The following PTPRM variants were observed in gnomAD, a reference collection of about 807,000 sequenced individuals.
The protein encoded by PTPRM is receptor-type tyrosine-protein phosphatase mu.
Under a neutral mutation model 186.7 loss-of-function variants are expected in PTPRM, and 47 were observed. The observed-to-expected ratio is 0.25, with a 90% CI of 0.20 to 0.32. The LOEUF (loss-of-function observed/expected upper bound fraction) is 0.32, where lower values mean the gene tolerates loss of function less well. Among genes scored for constraint, PTPRM ranks in the 10% least tolerant of loss-of-function variants. The probability of loss-of-function intolerance (pLI) is 1.00; values close to 1 mark genes in which losing one functional copy is unlikely to be tolerated. For missense variants in PTPRM, 1,494 were observed against 1,865.0 expected (o/e 0.80, Z 3.66); for synonymous variants, 668 against 674.9 (o/e 0.99, Z 0.16).
intron 23 of PTPRM, among the ~76,000 whole-genome samples, chr18:8,358,272 C>CACACACAT (rs1271938430): frequency 2.0e-5 from 3 of 151,562 alleles, no homozygotes; most frequent in Non-Finnish European, 2.9e-5. Context: ...CACACACACA[C>CACACACAT]ACATGCATAC....
chr18:7,818,893 G>A (rs1261521577), intron 2 of PTPRM, among the ~76,000 whole-genome samples: 14 of 152,194 alleles, frequency 9.2e-5, no homozygotes, highest in Non-Finnish European at 1.0e-4. Flanking sequence ...ACAATGTGTC[G>A]TGAGAGTACA....
At chr18:8,204,934 G>T (rs2093907894) in intron 14 of PTPRM, among the ~76,000 whole-genome samples, 1 of 152,048 alleles carries the variant, frequency 6.6e-6, no homozygotes, top group East Asian at 1.9e-4. Flanking sequence ...TATTCTGTTT[G>T]CTTCATATGC....
intron 1 of PTPRM, among the ~76,000 whole-genome samples, chr18:7,765,241 T>C (rs1377081642): frequency 6.6e-6 from 1 of 152,186 alleles, no homozygotes; most frequent in Non-Finnish European, 1.5e-5. Context: ...TCATAGAAAC[T>C]TCAAGAACAA....
chr18:8,206,446 C>T (rs532897657), intron 14 of PTPRM, among the ~76,000 whole-genome samples: 61 of 152,106 alleles, frequency 4.0e-4, no homozygotes, highest in Middle Eastern at 3.4e-3. Flanking sequence ...GACGGGGTTT[C>T]ACCATGTTAG....
chr18:8,067,549 C>G (rs894934553), intron 7 of PTPRM, among the ~76,000 whole-genome samples: 1 of 152,016 alleles, frequency 6.6e-6, no homozygotes, highest in Non-Finnish European at 1.5e-5. Flanking sequence ...TTTATTAATC[C>G]CATTTTATGA....
At chr18:7,584,581 T>C (rs893465720) in intron 1 of PTPRM, among the ~76,000 whole-genome samples, 1 of 152,026 alleles carries the variant, frequency 6.6e-6, no homozygotes, top group Non-Finnish European at 1.5e-5. Context: ...TTTTTTTTTC[T>C]CTTGGGATGC....
At chr18:7,921,252 G>A (rs910743359) in intron 4 of PTPRM, among the ~76,000 whole-genome samples, 3 of 151,886 alleles carry the variant, frequency 2.0e-5, no homozygotes, top group East Asian at 1.9e-4. Context: ...TCAGTATTTT[G>A]TAGATAATCT....
intron 14 of PTPRM, among the ~76,000 whole-genome samples, chr18:8,188,252 AG>A (rs769440850): frequency 4.6e-5 from 7 of 152,256 alleles, no homozygotes; most frequent in Admixed American, 1.3e-4. Context: ...AATACCATGT[AG>A]TCAGAGGAAA....
At chr18:7,869,160 G>C (rs1213134609) in intron 2 of PTPRM, among the ~76,000 whole-genome samples, 2 of 152,200 alleles carry the variant, frequency 1.3e-5, no homozygotes, top group Non-Finnish European at 2.9e-5. Context: ...TGCTGAGCTA[G>C]ACTACTTGGC....
At chr18:7,872,276 AC>A (rs750824515) in intron 2 of PTPRM, among the ~76,000 whole-genome samples, 1 of 152,148 alleles carries the variant, frequency 6.6e-6, no homozygotes, top group Non-Finnish European at 1.5e-5. Context: ...ATTCAGACAA[AC>A]AATCCTTTGA....
intron 2 of PTPRM, among the ~76,000 whole-genome samples, chr18:7,874,463 A>G (rs984785733): frequency 1.1e-4 from 16 of 152,154 alleles, no homozygotes; most frequent in Admixed American, 5.9e-4. Flanking sequence ...TTTCCCTGGA[A>G]AGCTGATCGA....
chr18:8,036,742 G>T (rs2086357987), intron 7 of PTPRM, among the ~76,000 whole-genome samples: 1 of 152,132 alleles, frequency 6.6e-6, no homozygotes, highest in Non-Finnish European at 1.5e-5. Flanking sequence ...TTCCTCCCCT[G>T]TTACCTGAGC....
At chr18:8,279,320 C>G (rs577667449) in intron 19 of PTPRM, among the ~76,000 whole-genome samples, 3 of 152,260 alleles carry the variant, frequency 2.0e-5, no homozygotes, top group African/African-American at 7.2e-5. Context: ...GCTCTCAAGC[C>G]TGATGTAGCA....
intron 14 of PTPRM, among the ~76,000 whole-genome samples, chr18:8,211,570 T>C (rs112514564): frequency 0.12 from 17,654 of 151,002 alleles, 1,141 homozygotes; most frequent in Non-Finnish European, 0.15. Context: ...CCCCTGGCTA[T>C]TTTTTTCTAT....
At position 7,805,712 on chromosome 18, in the gene PTPRM, A is replaced by G. The variant is rs572124385; in HGVS notation, c.196+31441A>G. 5.3e-5 allele frequency among the ~76,000 whole-genome samples: 8 copies of G among 152,312 alleles called. No homozygotes were observed. In the South Asian group the frequency reaches 1.7e-3, roughly 32 times the overall value. ...GTTTATACTTTCCTGTACGAAGTGT[A>G]TACAGAACTGAGTACTAATCTTTAT... On this transcript the variant is annotated intron_variant, in intron 2 of 32. Coordinates refer to ENST00000580170, the MANE Select transcript of PTPRM (RefSeq NM_001105244.2).
intron 2 of PTPRM, among the ~76,000 whole-genome samples, chr18:7,835,994 C>G (rs1407621827): frequency 6.6e-6 from 1 of 151,846 alleles, no homozygotes; most frequent in Non-Finnish European, 1.5e-5. Context: ...GTCTTTATGC[C>G]TGAAGTATGT....
chr18:8,269,943 A>G (rs2094749456), intron 19 of PTPRM: 1 of 152,072 alleles, frequency 6.6e-6, no homozygotes, highest in Non-Finnish European at 1.5e-5. Flanking sequence ...AAGAAAACCT[A>G]GGGAAATACC....
chr18:7,568,833 C>T lies in PTPRM; in HGVS notation c.73+942C>T, dbSNP rs148243509. On this transcript the variant is annotated intron_variant, in intron 1 of 32. Transcript: ENST00000580170. The surrounding 1 kb of genome is among the most constrained non-coding windows in gnomAD (Gnocchi z 5.1). ...CCGGCGTGGGGGCGAACCCGGCACG[C>T]TGTCACAGGGGTTTACAACCAGGAT... 4.6e-5 allele frequency among the ~76,000 whole-genome samples: 7 copies of T among 152,270 alleles called. No individual in the cohort carries two copies. The East Asian group carries it at 1.4e-3, about 30-fold the overall frequency.
chr18:8,380,979 G>C (rs774680969), intron 29 of PTPRM, among the ~76,000 whole-genome samples: 1 of 152,118 alleles, frequency 6.6e-6, no homozygotes, highest in Non-Finnish European at 1.5e-5. Context: ...CAATTTTAAG[G>C]CACAGCAATT....
Sources: gnomAD v4.1 joint callset for allele counts (sites outside exome capture counted in the v4.1 genomes callset) on GRCh38, gnomAD v4.1.1 for gene constraint, Gnocchi (gnomAD v3.1) non-coding constraint, MANE v1.5 for transcripts, NCBI Gene and HGNC (gene_info 2026-07-23, HGNC 2026-07-21) for gene names.